Variants in COL18A1 observed in about 807,000 individuals in gnomAD.
COL18A1 encodes collagen type XVIII alpha 1 chain.
Under a neutral mutation model 168.0 loss-of-function variants are expected in COL18A1, and 133 were observed. The observed-to-expected ratio is 0.79, with a 90% confidence interval of 0.69 to 0.91. The LOEUF (loss-of-function observed/expected upper bound fraction) is 0.91, where lower values mean the gene tolerates loss of function less well. COL18A1 is among the 40% of genes least tolerant of loss of function. COL18A1 has a pLI of 0.00. For synonymous variants in COL18A1, 949 were observed against 809.0 expected, an observed-to-expected ratio of 1.17 and a Z score of -2.94; for missense variants, 2,126 against 1,925.4, an observed-to-expected ratio of 1.10 and a Z score of -1.95.
At chr21:45,414,017 C>T (rs2033372982) in intron 2 of COL18A1, among the ~76,000 whole-genome samples, 1 of 152,244 alleles carries the variant, frequency 6.6e-6, no homozygotes, top group African/African-American at 2.4e-5. Context: ...ACCATCTCTG[C>T]TCTCTGAGCC....
At chr21:45,492,502 T>C in intron 22 of COL18A1, 33 bp from the exon 23 acceptor site, 2 of 1,613,416 alleles carry the variant, frequency 1.2e-6, no homozygotes, top group Non-Finnish European at 1.7e-6. Context: ...ACGCGGCTCT[T>C]TGTTTCCGAT....
chr21:45,427,529 T>A (rs2033839467), intron 2 of COL18A1, among the ~76,000 whole-genome samples: 1 of 152,128 alleles, frequency 6.6e-6, no homozygotes, highest in Non-Finnish European at 1.5e-5. Context: ...CCCCTCTTGC[T>A]CCGCGGCCAC....
intron 2 of COL18A1, chr21:45,421,433 G>A: frequency 1.9e-6 from 1 of 534,546 alleles, no homozygotes; most frequent in African/African-American, 1.9e-5. Flanking sequence ...AAGTGTTGGG[G>A]GCTGTGTTGC....
At chr21:45,445,204 A>G (rs2034478798) in intron 2 of COL18A1, among the ~76,000 whole-genome samples, 1 of 152,130 alleles carries the variant, frequency 6.6e-6, no homozygotes, top group African/African-American at 2.4e-5. Flanking sequence ...GAATTAAACC[A>G]TGGAACGTGT....
intron 2 of COL18A1, among the ~76,000 whole-genome samples, chr21:45,439,820 C>A (rs2034320047): frequency 6.6e-6 from 1 of 152,178 alleles, no homozygotes; most frequent in Non-Finnish European, 1.5e-5. Flanking sequence ...CCGCTCTCTG[C>A]GCCCCTGAGT....
At chr21:45,481,372 T>TGGGCAGCAGGTCATGATG in intron 13 of COL18A1, among the ~76,000 whole-genome samples, 1 of 151,920 alleles carries the variant, frequency 6.6e-6, no homozygotes, top group East Asian at 1.9e-4. Flanking sequence ...AGGTCATGAC[T>TGGGCAGCAGGTCATGATG]GGCAGCAGGT....
In COL18A1 at chr21:45,493,162, GGGACCTGCA is replaced by G. The variant is rs1287694056; in HGVS notation, c.2220_2228del (p.Ala741_Pro743del). The G allele has an allele frequency of 6.4e-7, 1 of 1,556,712 alleles. No homozygotes were observed. The highest frequency in any genetic ancestry group is 1.4e-5 in the African/African-American group (1 of 73,426). ...GCCTCACGGCCTGGCCTCCATTCCA[GGGACCTGCA>G]GGACCCAAGGGCAACCTGGGCTCTA... On this transcript the variant is annotated inframe_deletion and splice_region_variant, in exon 25 of 42. Transcript: ENST00000651438.
intron 29 of COL18A1, chr21:45,496,281 G>A (rs567035629): frequency 1.8e-5 from 13 of 709,916 alleles, no homozygotes; most frequent in South Asian, 6.0e-5. Flanking sequence ...CCCGAGGGAC[G>A]TCTGTGCACG....
chr21:45,472,263 G>T (rs535864747), intron 3 of COL18A1, among the ~76,000 whole-genome samples: 1 of 150,216 alleles, frequency 6.7e-6, no homozygotes, highest in East Asian at 2.0e-4. Context: ...TCGCTCTGTC[G>T]CCCAGGCTGG....
chr21:45,507,221 G>A (rs1472298666), intron 37 of COL18A1: 2 of 309,606 alleles, frequency 6.5e-6, no homozygotes, highest in South Asian at 3.0e-5. Context: ...GGGCTGGGAG[G>A]GCCGGGTGTT....
chr21:45,437,298 ACAC>A (rs2034153055), intron 2 of COL18A1, among the ~76,000 whole-genome samples: 1 of 121,648 alleles, frequency 8.2e-6, no homozygotes, highest in African/African-American at 3.5e-5. Context: ...GCACACACAC[ACAC>A]TCACACAGGC....
rs2036319960 is a variant in COL18A1 at position 45,490,965 on chromosome 21, C to T, written c.2067+94C>T. 2.5e-6 allele frequency: 3 copies of T among 1,218,530 alleles called. No individual in the cohort carries two copies. In the Admixed American group the frequency reaches 6.1e-5, roughly 25 times the overall value. 75.5% of individuals were successfully genotyped at this position (1,218,530 alleles called of 1,614,324 possible). ...CTGCCCCAGGTCCGTGCCCCTGCTGCCCATGTGACCTCAGAGACTCAGGGC... is the reference window on the plus strand; with the variant it reads ...CTGCCCCAGGTCCGTGCCCCTGCTGTCCATGTGACCTCAGAGACTCAGGGC... On this transcript the variant is annotated intron_variant, in intron 21 of 41. Transcript: ENST00000651438.
rs780026798 is a variant in COL18A1, at chr21:45,510,223, C to T, written c.3655C>T (p.Arg1219Cys). Reference protein sequence around the residue: ...RLQDLYSIVRRADRAAVPIVN... With the variant: ...RLQDLYSIVRCADRAAVPIVN... ...GCAGGACCTGTACAGCATCGTGCGC[C>T]GTGCCGACCGCGCAGCCGTGCCCAT... Residue 1219 changes from arginine to cysteine, a missense_variant, in exon 40 of 42, where the codon CGT (arginine) becomes TGT (cysteine). Transcript: ENST00000651438. The T allele has an allele frequency of 4.8e-5, 77 of 1,606,404 alleles. No individual in the cohort carries two copies. Among genetic ancestry groups the T allele is most frequent in the East Asian group, 6.8e-5 (3 of 44,436 alleles).
intron 2 of COL18A1, among the ~76,000 whole-genome samples, chr21:45,458,373 G>A (rs1285880993): frequency 6.6e-6 from 1 of 151,360 alleles, no homozygotes; most frequent in Non-Finnish European, 1.5e-5. Flanking sequence ...CGTGCCCACG[G>A]CTGTTGGCAT....
At chr21:45,419,418 C>T (rs752307036) in intron 2 of COL18A1, among the ~76,000 whole-genome samples, 36 of 152,330 alleles carry the variant, frequency 2.4e-4, no homozygotes, top group Admixed American at 5.2e-4. Flanking sequence ...GTGACACGCT[C>T]GCAGGATCGC....
At position 45,495,341 on chromosome 21, in the gene COL18A1, CCT is replaced by C; in HGVS notation, c.2434-16_2434-15del. ...CATCAGTGCCCAGCAGTCCCCACCCCCTGTGCTCCGCCCCAGGGTCGCCCCGG... is the reference window on the plus strand; with the variant it reads ...CATCAGTGCCCAGCAGTCCCCACCCCGTGCTCCGCCCCAGGGTCGCCCCGG... On this transcript the variant is annotated splice_polypyrimidine_tract_variant and intron_variant, in intron 28 of 41. Coordinates refer to ENST00000651438, the MANE Select transcript of COL18A1 (RefSeq NM_001379500.1). The C allele has an allele frequency of 1.9e-6, 3 of 1,599,088 alleles. No individual in the cohort carries two copies. Among genetic ancestry groups the C allele is most frequent in the South Asian group, 1.1e-5 (1 of 89,210 alleles).
intron 2 of COL18A1, among the ~76,000 whole-genome samples, chr21:45,418,783 A>G (rs2033531498): frequency 1.6e-5 from 1 of 60,654 alleles, no homozygotes. Flanking sequence ...TCTCTGCTTT[A>G]GCGTTGGGTT....
chr21:45,504,221 C>A, intron 33 of COL18A1, 167 bp downstream of exon 33: 1 of 934,112 alleles, frequency 1.1e-6, no homozygotes. Context: ...ATGTTCCTGT[C>A]CCCGGCTCAG....
Position 45,489,544 on chromosome 21 carries a change from G to C in COL18A1, c.1959+23G>C, listed in dbSNP as rs369722004. ...AAGGTAAGCGCTGTGCCCGGGTTCA[G>C]GGACGTGGCCAGGCAGAGGCAGGGA... On this transcript the variant is annotated intron_variant, in intron 19 of 41. Coordinates refer to ENST00000651438, the MANE Select transcript of COL18A1 (RefSeq NM_001379500.1). 1.5e-4 allele frequency: 242 copies of C among 1,561,772 alleles called. 1 individual carries two copies. In the Middle Eastern group the frequency reaches 3.1e-3, roughly 20 times the overall value.
Sources: allele counts gnomAD v4.1 joint callset (sites outside exome capture counted in the v4.1 genomes callset), GRCh38; gene constraint gnomAD v4.1.1; transcripts MANE v1.5; gene names NCBI Gene and HGNC (gene_info 2026-07-23, HGNC 2026-07-21).